The following ITPR3 variants were observed in gnomAD, a reference collection of about 807,000 sequenced individuals.
ITPR3 encodes inositol 1,4,5-trisphosphate receptor type 3.
Under a neutral mutation model 293.2 loss-of-function variants are expected in ITPR3, and 173 were observed. The ratio of observed to expected loss-of-function variants is 0.59; its 90% CI spans 0.52 to 0.67. ITPR3 has a LOEUF of 0.67. Ranked by LOEUF, ITPR3 falls within the 30% of genes least tolerant of loss-of-function variation. The pLI, the probability that ITPR3 is intolerant of heterozygous loss-of-function variation, is 0.00. For missense variants in ITPR3, 2,796 were observed against 3,592.1 expected (o/e 0.78, Z 5.66); for synonymous variants, 1,295 against 1,444.4 (o/e 0.90, Z 2.35).
chr6:33,694,716 G>A (rs1260713308), intron 56 of ITPR3: 3 of 585,510 alleles, frequency 5.1e-6, no homozygotes, highest in South Asian at 4.4e-5. Flanking sequence ...AGCCTGTCTC[G>A]GTGGCAGAGG....
intron 2 of ITPR3, among the ~76,000 whole-genome samples, chr6:33,642,948 G>C (rs1305323880): frequency 6.6e-6 from 1 of 152,182 alleles, no homozygotes; most frequent in Non-Finnish European, 1.5e-5. Flanking sequence ...TTCTGGAACA[G>C]AGCCAGGCCT....
In ITPR3 at chr6:33,638,768, T is replaced by C. The variant is rs55792355; in HGVS notation, c.90-1716T>C. On this transcript the variant is annotated intron_variant, in intron 1 of 57. Coordinates refer to ENST00000605930, the MANE Select transcript of ITPR3 (RefSeq NM_002224.4). The surrounding 1 kb of genome is among the most constrained non-coding windows in gnomAD (Gnocchi z 4.3). ...CTCCGTTCTCAAGGAACTCACAGTG[T>C]AGACACAGCAAGTCAAGAAGTGGGG... 0.29 allele frequency among the ~76,000 whole-genome samples: 43,816 copies of C among 151,998 alleles called. 6,828 individuals are homozygous for C. The highest frequency in any genetic ancestry group is 0.48 in the East Asian group (2,455 of 5,144).
rs1267316013 is a variant in ITPR3 at position 33,693,621 on chromosome 6, C to G, written c.7701C>G (p.Asn2567Lys). 1 of 1,614,228 alleles carries G rather than the reference C, an allele frequency of 6.2e-7. No homozygotes were observed. The highest frequency in any genetic ancestry group is 1.1e-5 in the South Asian group (1 of 91,088). Residue 2567 changes from asparagine (N) to lysine (K), a missense_variant, in exon 56 of 58, where the codon AAC becomes AAG. Physicochemically the swap from Asn to Lys is moderately conservative, Grantham distance 94. Around this residue, in one of 8 missense-constraint regions of ITPR3, gnomAD observed 568 missense variants for 796.1 expected, o/e 0.71. Transcript: ENST00000605930. ...EHIKLEHNMW[N>K]YLYFIVLVRV... Reference sequence around the variant, plus strand: ...TCAAGCTGGAGCACAACATGTGGAACTACTTGTACTTCATTGTGCTGGTCC... The same window carrying G: ...TCAAGCTGGAGCACAACATGTGGAAGTACTTGTACTTCATTGTGCTGGTCC...
At position 33,690,029 on chromosome 6, in the gene ITPR3, C is replaced by G; in HGVS notation, c.6868-5C>G. Reference sequence around the variant, plus strand: ...CTGACTCTCATGCCTTGCACTCGCCCCCAGCTGACCAACAAGATCGTGTTT... The same window carrying G: ...CTGACTCTCATGCCTTGCACTCGCCGCCAGCTGACCAACAAGATCGTGTTT... On this transcript the variant is annotated splice_region_variant and splice_polypyrimidine_tract_variant and intron_variant, in intron 50 of 57. Coordinates refer to ENST00000605930, the MANE Select transcript of ITPR3 (RefSeq NM_002224.4). 1 of 1,614,184 alleles carries G rather than the reference C, an allele frequency of 6.2e-7. No homozygotes were observed. Among genetic ancestry groups the G allele is most frequent in the South Asian group, 1.1e-5 (1 of 91,074 alleles).
Position 33,658,623 on chromosome 6 carries a change from C to A in ITPR3, c.370-47C>A. On this transcript the variant is annotated intron_variant, in intron 4 of 57. Transcript: ENST00000605930. The surrounding 1 kb of genome is among the most constrained non-coding windows in gnomAD (Gnocchi z 6.1). ...CCCCCATATCCCCTCCCTAATGGGC[C>A]GACTCCTGTGGCGCGGTGACCTTCC... is the stretch of plus-strand genomic sequence containing the variant. 6.2e-7 allele frequency: 1 copy of A among 1,603,572 alleles called. No individual in the cohort carries two copies. The highest frequency in any genetic ancestry group is 8.5e-7 in the Non-Finnish European group (1 of 1,173,098).
intron 1 of ITPR3, among the ~76,000 whole-genome samples, chr6:33,637,731 G>A (rs1298293564): frequency 1.3e-5 from 2 of 151,786 alleles, no homozygotes; most frequent in African/African-American, 4.8e-5. Flanking sequence ...GGGTTCAAGC[G>A]ATTCTCTTGC....
At chr6:33,674,155 C>G in intron 23 of ITPR3, 53 bp from the exon 24 acceptor site, 1 of 1,605,192 alleles carries the variant, frequency 6.2e-7, no homozygotes, top group East Asian at 2.2e-5. Context: ...CTGTGCTCCC[C>G]TCTTTCCCGG....
chr6:33,661,906 G>T (rs1483821774), intron 7 of ITPR3, among the ~76,000 whole-genome samples: 1 of 140,458 alleles, frequency 7.1e-6, no homozygotes, highest in Non-Finnish European at 1.5e-5. Flanking sequence ...AGAGGCATGA[G>T]AATCACTTGA....
At position 33,677,039 on chromosome 6, in the gene ITPR3, C is replaced by T; in HGVS notation, c.3472C>T (p.Leu1158=). The T allele has an allele frequency of 6.2e-7, 1 of 1,614,192 alleles. No homozygotes were observed. The highest frequency in any genetic ancestry group is 8.5e-7 in the Non-Finnish European group (1 of 1,180,030). ...KERPTDEEGF[L]HPPGEKSSEN... is the part of the protein sequence containing the mutation. ...GCGTCCCACGGACGAGGAGGGCTTT[C>T]TGCACCCACCAGGGGAGAAAAGCAG... Residue 1158 remains leucine (L), a synonymous_variant, in exon 27 of 58, where the codon CTG becomes TTG. Transcript: ENST00000605930.
At chr6:33,639,774 T>G (rs1030379858) in intron 1 of ITPR3, among the ~76,000 whole-genome samples, 3 of 151,458 alleles carry the variant, frequency 2.0e-5, no homozygotes, top group African/African-American at 7.3e-5. Context: ...GATGGATGGG[T>G]GGAGGGATGA....
chr6:33,690,009 T>A, intron 50 of ITPR3, 25 bp from the exon 51 acceptor site: 1 of 1,613,998 alleles, frequency 6.2e-7, no homozygotes, highest in Non-Finnish European at 8.5e-7. Flanking sequence ...GGGTGCTGAC[T>A]CTCATGCCTT....
At position 33,658,111 on chromosome 6, in the gene ITPR3, C is replaced by A; in HGVS notation, c.369+93C>A. On this transcript the variant is annotated intron_variant, in intron 4 of 57. Transcript: ENST00000605930. The surrounding 1 kb of genome is among the most constrained non-coding windows in gnomAD (Gnocchi z 6.1). ...GAGGGCTGCCAGCAGGCATTGCCCT[C>A]TGTGCATGTGTGTCCCCGGGTGAAT... The A allele has an allele frequency of 1.8e-6, 2 of 1,087,738 alleles. No homozygotes were observed. Among genetic ancestry groups the A allele is most frequent in the Non-Finnish European group, 2.8e-6 (2 of 722,646 alleles). The allele number at this position is 1,087,738 out of a possible 1,614,324, so 67.4% of individuals were successfully genotyped here. A position where few individuals can be genotyped will look rare whatever the true frequency, so the allele number is the denominator to read the frequency against.
At chr6:33,653,627 T>C (rs987925445) in intron 2 of ITPR3, among the ~76,000 whole-genome samples, 1 of 152,244 alleles carries the variant, frequency 6.6e-6, no homozygotes, top group African/African-American at 2.4e-5. Flanking sequence ...TGTATAGCTC[T>C]AGGCCCAGAA....
chr6:33,682,408 A>T lies in ITPR3; in HGVS notation c.4477-116A>T. The T allele has an allele frequency of 1.7e-6, 2 of 1,209,870 alleles. No homozygotes were observed. The highest frequency in any genetic ancestry group is 2.2e-6 in the Non-Finnish European group (2 of 891,782). 74.9% of individuals were successfully genotyped at this position (1,209,870 alleles called of 1,614,324 possible). A position where few individuals can be genotyped will look rare whatever the true frequency, so the allele number is the denominator to read the frequency against. On this transcript the variant is annotated intron_variant, in intron 33 of 57. Transcript: ENST00000605930. The surrounding 1 kb of genome is among the most constrained non-coding windows in gnomAD (Gnocchi z 5.4). The stretch of plus-strand genomic sequence containing the variant: ...ACTGGCACAGAGGCACATGGTGGCT[A>T]GTGAAGGCTCCGTCTCTCCACCCAT...
At chr6:33,659,324 G>A (rs1325561291) in intron 6 of ITPR3, 142 bp from the exon 7 acceptor site, 6 of 890,664 alleles carry the variant, frequency 6.7e-6, no homozygotes, top group Non-Finnish European at 8.8e-6. Flanking sequence ...AGCCGGGCTG[G>A]GGTCTGGGGA....
intron 10 of ITPR3, 81 bp from the exon 11 acceptor site, chr6:33,663,657 G>A: frequency 1.2e-6 from 2 of 1,607,674 alleles, no homozygotes; most frequent in Non-Finnish European, 1.7e-6. Context: ...GGAGACAGAT[G>A]GGATCTCAGG....
chr6:33,688,916 C>A, intron 49 of ITPR3, 135 bp downstream of exon 49: 1 of 1,212,490 alleles, frequency 8.2e-7, no homozygotes, highest in Non-Finnish European at 1.2e-6. Context: ...CCTGCGCCAT[C>A]CTGTGGGCTC....
chr6:33,674,298 G>A (rs763598667), intron 24 of ITPR3, 33 bp downstream of exon 24: 1 of 1,608,494 alleles, frequency 6.2e-7, no homozygotes, highest in Middle Eastern at 1.7e-4. Context: ...GGGGTGTGTG[G>A]GGTTGGGAGG....
chr6:33,677,061 G>A lies in ITPR3; in HGVS notation c.3494G>A (p.Ser1165Asn), dbSNP rs764737286. The change falls in exon 27 of 58, where the codon AGC becomes AAC. Residue 1165 changes from serine (S) to asparagine (N), a missense_variant. Around this residue, in one of 8 missense-constraint regions of ITPR3, gnomAD observed 344 missense variants for 460.3 expected, o/e 0.75. Coordinates refer to ENST00000605930, the MANE Select transcript of ITPR3 (RefSeq NM_002224.4). The part of the protein sequence containing the change: ...EGFLHPPGEK[S>N]SENYQIVKGI... ...TTTCTGCACCCACCAGGGGAGAAAAGCAGTGAGAACTACCAGATCGTCAAG... is the reference window on the plus strand; with the variant it reads ...TTTCTGCACCCACCAGGGGAGAAAAACAGTGAGAACTACCAGATCGTCAAG... The A allele has an allele frequency of 6.2e-7, 1 of 1,614,182 alleles. No homozygotes were observed. The highest frequency in any genetic ancestry group is 2.2e-5 in the East Asian group (1 of 44,880).
Sources: allele counts gnomAD v4.1 joint callset (sites outside exome capture counted in the v4.1 genomes callset), GRCh38; gene constraint gnomAD v4.1.1; regional missense constraint gnomAD v4.1.1; non-coding constraint Gnocchi (gnomAD v3.1); transcripts MANE v1.5; gene names NCBI Gene and HGNC (gene_info 2026-07-23, HGNC 2026-07-21).